ERI3: variants seen among roughly 807,000 people sequenced by gnomAD.
The protein encoded by ERI3 is ERI1 exoribonuclease family member 3.
A neutral mutation model predicts 44.4 loss-of-function variants in ERI3; 18 were observed. That is an observed-to-expected ratio of 0.41 (90% CI 0.28 to 0.60). ERI3 has a LOEUF of 0.60. ERI3 is among the 20% of genes least tolerant of loss of function. The pLI, the probability that ERI3 is intolerant of heterozygous loss-of-function variation, is 0.36. For missense variants in ERI3, 294 were observed against 435.5 expected (o/e 0.68, Z 2.89); for synonymous variants, 183 against 164.8 (o/e 1.11, Z -0.84).
chr1:44,315,962 T>C (rs1462097288), intron 4 of ERI3, among the ~76,000 whole-genome samples: 1 of 149,058 alleles, frequency 6.7e-6, no homozygotes, highest in Non-Finnish European at 1.5e-5. Flanking sequence ...GACCAGCTTA[T>C]GCAACATAGA....
At chr1:44,251,643 G>C (rs1644681905) in intron 7 of ERI3, among the ~76,000 whole-genome samples, 2 of 152,196 alleles carry the variant, frequency 1.3e-5, no homozygotes, top group Admixed American at 1.3e-4. Flanking sequence ...CGGTTTGACA[G>C]GTGGCAGGGG....
At chr1:44,331,231 C>A (rs1228964991) in intron 3 of ERI3, among the ~76,000 whole-genome samples, 3 of 152,074 alleles carry the variant, frequency 2.0e-5, no homozygotes, top group Admixed American at 1.3e-4. Flanking sequence ...AGCTATTTAT[C>A]TTTTTGAAGG....
chr1:44,249,432 T>C (rs1224500021), intron 7 of ERI3, among the ~76,000 whole-genome samples: 1 of 152,144 alleles, frequency 6.6e-6, no homozygotes, highest in Non-Finnish European at 1.5e-5. Context: ...CTGCACACAG[T>C]GTCTGTGCCA....
At chr1:44,247,161 C>T (rs1324969899) in intron 8 of ERI3, among the ~76,000 whole-genome samples, 1 of 152,262 alleles carries the variant, frequency 6.6e-6, no homozygotes, top group Non-Finnish European at 1.5e-5. Flanking sequence ...TACTGTTACA[C>T]GCTCCCCAAC....
Position 44,241,295 on chromosome 1 carries a change from C to T in ERI3, c.931+6644G>A, listed in dbSNP as rs1644427724. Among the ~76,000 whole-genome samples, 1 of 151,998 alleles carries T rather than the reference C, an allele frequency of 6.6e-6. No individual in the cohort carries two copies. The highest frequency in any genetic ancestry group is 1.9e-4 in the East Asian group (1 of 5,184). On this transcript the variant is annotated intron_variant, in intron 8 of 8. Transcript: ENST00000372257. The surrounding 1 kb of genome is among the most constrained non-coding windows in gnomAD (Gnocchi z 5.6). ...GAGGAAAATAAACTGAAATGAAGTC[C>T]GGTTATCTCCCATCTGTGGCTGCTC...
intron 2 of ERI3, among the ~76,000 whole-genome samples, chr1:44,352,602 G>A (rs1646917741): frequency 6.6e-6 from 1 of 152,176 alleles, no homozygotes; most frequent in Non-Finnish European, 1.5e-5. Flanking sequence ...AAGCAGTTGT[G>A]ACAGAACTTG....
intron 3 of ERI3, among the ~76,000 whole-genome samples, chr1:44,337,589 T>G (rs1435997931): frequency 6.6e-6 from 1 of 152,212 alleles, no homozygotes; most frequent in Admixed American, 6.5e-5. Context: ...CTTTAGGATA[T>G]TCTCCTTATC....
chr1:44,355,000 G>A lies in ERI3; in HGVS notation c.27C>T (p.Asp9=), dbSNP rs1174195221. 4 of 1,381,970 alleles carry A rather than the reference G, an allele frequency of 2.9e-6. No homozygotes were observed. Among genetic ancestry groups the A allele is most frequent in the South Asian group, 2.0e-5 (1 of 50,010 alleles). 85.6% of individuals were successfully genotyped at this position (1,381,970 alleles called of 1,614,324 possible). ...CTTCCCAGGGCCGCCCCCGCCCCCC[G>A]TCAGCAGCGGGAGAGGCTGTCGCCA... MATASPAA[D]GGRGRPWEGG... The change falls in exon 1 of 9, where the codon GAC becomes GAT. Residue 9 remains aspartate, a synonymous_variant. Transcript: ENST00000372257.
Position 44,354,903 on chromosome 1 carries a change from GCCC to G in ERI3, c.121_123del (p.Gly41del). 7.6e-7 allele frequency: 1 copy of G among 1,317,326 alleles called. No individual in the cohort carries two copies. Among genetic ancestry groups the G allele is most frequent in the Non-Finnish European group, 9.8e-7 (1 of 1,024,326 alleles). The allele number at this position is 1,317,326 out of a possible 1,614,324, so 81.6% of individuals were successfully genotyped here. A position where few individuals can be genotyped will look rare whatever the true frequency, so the allele number is the denominator to read the frequency against. ...TCAGCATCACCCACCCCGGGGTGTTGCCCCCAACTCGGGCCCATCCAAGTCCAG... is the reference window on the plus strand; with the variant it reads ...TCAGCATCACCCACCCCGGGGTGTTGCCAACTCGGGCCCATCCAAGTCCAG... On this transcript the variant is annotated inframe_deletion, in exon 1 of 9. Coordinates refer to ENST00000372257, the MANE Select transcript of ERI3 (RefSeq NM_024066.3).
chr1:44,338,161 G>T (rs1021974339), intron 3 of ERI3, among the ~76,000 whole-genome samples: 3 of 152,214 alleles, frequency 2.0e-5, no homozygotes, highest in African/African-American at 7.2e-5. Context: ...CTTTCCAACA[G>T]ACCAACAATG....
chr1:44,307,480 CA>C (rs761311457), intron 6 of ERI3, among the ~76,000 whole-genome samples: 4 of 152,164 alleles, frequency 2.6e-5, no homozygotes, highest in Non-Finnish European at 5.9e-5. Flanking sequence ...TCACAATGAA[CA>C]CAGAGGTAAT....
chr1:44,342,846 T>A (rs1382988402), intron 2 of ERI3, among the ~76,000 whole-genome samples: 4 of 34,518 alleles, frequency 1.2e-4, no homozygotes, highest in African/African-American at 5.6e-4. Context: ...TATATATATA[T>A]ATATATATAT....
At chr1:44,251,586 G>A (rs1291162) in intron 7 of ERI3, among the ~76,000 whole-genome samples, 4,114 of 152,304 alleles carry the variant, frequency 0.027, 83 homozygotes, top group African/African-American at 0.057. Context: ...TGAGATTGGA[G>A]GAGGCTAGGA....
chr1:44,267,535 C>T (rs139734121), intron 7 of ERI3, among the ~76,000 whole-genome samples: 190 of 152,322 alleles, frequency 1.2e-3, no homozygotes, highest in African/African-American at 4.0e-3. Context: ...TATGACACTC[C>T]CCATAGGCAG....
chr1:44,277,239 G>C (rs541083981), intron 7 of ERI3, among the ~76,000 whole-genome samples: 1 of 151,944 alleles, frequency 6.6e-6, no homozygotes, highest in Non-Finnish European at 1.5e-5. Flanking sequence ...GGGACCTTCC[G>C]CCTAAAGAGA....
intron 7 of ERI3, among the ~76,000 whole-genome samples, chr1:44,275,661 G>T (rs1645167003): frequency 6.6e-6 from 1 of 152,198 alleles, no homozygotes; most frequent in South Asian, 2.1e-4. Flanking sequence ...CCCAGAAATT[G>T]CAGCAAGGCA....
At chr1:44,307,420 A>AACACAC (rs146112762) in intron 6 of ERI3, among the ~76,000 whole-genome samples, 1 of 151,764 alleles carries the variant, frequency 6.6e-6, no homozygotes, top group African/African-American at 2.4e-5. Context: ...CACACACACA[A>AACACAC]ACACACACAC....
intron 8 of ERI3, among the ~76,000 whole-genome samples, chr1:44,246,907 T>C (rs1644566715): frequency 6.6e-6 from 1 of 152,138 alleles, no homozygotes; most frequent in South Asian, 2.1e-4. Flanking sequence ...CCCACAATGA[T>C]GCGACCCCAA....
intron 8 of ERI3, among the ~76,000 whole-genome samples, chr1:44,233,385 G>T (rs1219596994): frequency 1.3e-5 from 2 of 149,410 alleles, no homozygotes; most frequent in Non-Finnish European, 3.0e-5. Context: ...ACAAGAGAGG[G>T]CCAAGCCTGA....
Sources: allele counts gnomAD v4.1 joint callset (sites outside exome capture counted in the v4.1 genomes callset), GRCh38; gene constraint gnomAD v4.1.1; non-coding constraint Gnocchi (gnomAD v3.1); transcripts MANE v1.5; gene names NCBI Gene and HGNC (gene_info 2026-07-23, HGNC 2026-07-21).